The following TMEM232 variants were observed in gnomAD, a reference collection of about 807,000 sequenced individuals.
TMEM232 encodes transmembrane protein 232.
Under a neutral mutation model 78.8 loss-of-function variants are expected in TMEM232, and 80 were observed. That is an observed-to-expected ratio of 1.01 (90% CI 0.85 to 1.22). TMEM232 has a LOEUF of 1.22. Ranked by LOEUF, TMEM232 falls within the 50% of genes most tolerant of loss-of-function variation. The pLI is 0.00. For missense variants in TMEM232, 881 were observed against 742.2 expected, an observed-to-expected ratio of 1.19 and a Z score of -2.17; for synonymous variants, 297 against 254.3, an observed-to-expected ratio of 1.17 and a Z score of -1.60.
chr5:110,663,228 C>T (rs1790048217), intron 2 of TMEM232, among the ~76,000 whole-genome samples: 1 of 151,910 alleles, frequency 6.6e-6, no homozygotes, highest in African/African-American at 2.4e-5. Flanking sequence ...TATAGCTACA[C>T]TCAACATTAA....
chr5:110,720,443 TA>T (rs1030551261), intron 1 of TMEM232: 4 of 152,112 alleles, frequency 2.6e-5, no homozygotes, highest in African/African-American at 9.7e-5. Context: ...CCCCTACTAA[TA>T]AGATACAGTA....
At chr5:110,703,823 G>C (rs1016475002) in intron 1 of TMEM232, among the ~76,000 whole-genome samples, 2 of 152,004 alleles carry the variant, frequency 1.3e-5, no homozygotes, top group Non-Finnish European at 2.9e-5. Flanking sequence ...ACAGTCCTCT[G>C]CATTGGTGGA....
rs1452166878 is a variant in TMEM232 at position 110,471,367 on chromosome 5, A to C, written c.1704-46451T>G. Among the ~76,000 whole-genome samples, 3 of 152,124 alleles carry C rather than the reference A, an allele frequency of 2.0e-5. No individual in the cohort carries two copies. The East Asian group carries it at 5.8e-4, about 29-fold the overall frequency. On this transcript the variant is annotated intron_variant, in intron 12 of 13. Coordinates refer to ENST00000455884, the MANE Select transcript of TMEM232 (RefSeq NM_001039763.4). ...TAAAATAATTGGTGAAAACTTCCCA[A>C]GTGTTTGAAGAGATATGGAAATCCA...
intron 12 of TMEM232, among the ~76,000 whole-genome samples, chr5:110,510,649 C>T (rs768468683): frequency 6.6e-6 from 1 of 152,148 alleles, no homozygotes; most frequent in Non-Finnish European, 1.5e-5. Flanking sequence ...TGAACAGACA[C>T]TTCTCAAAAG....
At chr5:110,724,035 C>T (rs998414125) in intron 1 of TMEM232, among the ~76,000 whole-genome samples, 7 of 152,136 alleles carry the variant, frequency 4.6e-5, no homozygotes, top group East Asian at 1.9e-4. Context: ...TTGTTGGAGA[C>T]GAGTTTCTGT....
chr5:110,691,719 C>T (rs967546985), intron 1 of TMEM232, among the ~76,000 whole-genome samples: 4 of 152,148 alleles, frequency 2.6e-5, no homozygotes, highest in Non-Finnish European at 5.9e-5. Context: ...CATAAGAAAC[C>T]TACATGCTCA....
chr5:110,610,738 T>G (rs1042353116), intron 8 of TMEM232: 1 of 298,216 alleles, frequency 3.4e-6, no homozygotes, highest in African/African-American at 2.2e-5. Flanking sequence ...ATAACTGTGT[T>G]AGGAAACAAC....
intron 12 of TMEM232, among the ~76,000 whole-genome samples, chr5:110,475,814 G>C (rs563771858): frequency 6.6e-6 from 1 of 151,862 alleles, no homozygotes; most frequent in East Asian, 1.9e-4. Context: ...TCTGGGGAAA[G>C]AACCACTAAA....
At chr5:110,685,884 G>C (rs1793336113) in intron 1 of TMEM232, among the ~76,000 whole-genome samples, 1 of 152,000 alleles carries the variant, frequency 6.6e-6, no homozygotes, top group Non-Finnish European at 1.5e-5. Flanking sequence ...AGTGAAAAAA[G>C]CCAAACACAA....
chr5:110,581,727 C>T (rs1317254567), intron 10 of TMEM232, among the ~76,000 whole-genome samples: 2 of 151,562 alleles, frequency 1.3e-5, no homozygotes, highest in East Asian at 1.9e-4. Context: ...AAACAGACAA[C>T]CTACAAAATG....
chr5:110,637,444 C>G (rs1786004492), intron 5 of TMEM232, among the ~76,000 whole-genome samples: 1 of 151,788 alleles, frequency 6.6e-6, no homozygotes. Flanking sequence ...AAATGTTCAA[C>G]TGATGGACTG....
intron 12 of TMEM232, among the ~76,000 whole-genome samples, chr5:110,518,332 C>G (rs896649829): frequency 3.3e-5 from 5 of 151,968 alleles, no homozygotes; most frequent in African/African-American, 1.2e-4. Flanking sequence ...GACACAAAAC[C>G]AAAGTACACT....
At chr5:110,685,855 T>A (rs201356721) in intron 1 of TMEM232, among the ~76,000 whole-genome samples, 1 of 151,978 alleles carries the variant, frequency 6.6e-6, no homozygotes, top group African/African-American at 2.4e-5. Context: ...CATGCATAAA[T>A]CTCAAAAATA....
chr5:110,441,908 G>GTT (rs374396085), intron 12 of TMEM232, among the ~76,000 whole-genome samples: 4 of 149,740 alleles, frequency 2.7e-5, no homozygotes, highest in African/African-American at 9.8e-5. Flanking sequence ...GTTATTATTA[G>GTT]TTTTTTTTTT....
intron 2 of TMEM232, among the ~76,000 whole-genome samples, chr5:110,656,065 A>G (rs62869960): frequency 6.6e-6 from 1 of 151,228 alleles, no homozygotes; most frequent in African/African-American, 2.4e-5. Flanking sequence ...TAAAAAAAAA[A>G]CAATACTTTA....
intron 1 of TMEM232, among the ~76,000 whole-genome samples, chr5:110,676,862 G>C (rs10074373): frequency 2.6e-5 from 4 of 151,784 alleles, no homozygotes; most frequent in African/African-American, 9.7e-5. Context: ...CGGTTCGAGC[G>C]ATTCTCCTGC....
chr5:110,558,781 T>C (rs1461763733), intron 11 of TMEM232, among the ~76,000 whole-genome samples: 2 of 152,136 alleles, frequency 1.3e-5, no homozygotes, highest in African/African-American at 4.8e-5. Flanking sequence ...TCCAAGCAAC[T>C]ATCTCTGCCA....
At chr5:110,706,407 G>A (rs1419411739) in intron 1 of TMEM232, among the ~76,000 whole-genome samples, 1 of 152,018 alleles carries the variant, frequency 6.6e-6, no homozygotes, top group East Asian at 1.9e-4. Context: ...CTGTATTATT[G>A]ATTATTTTTC....
chr5:110,535,075 T>C (rs1473458292), intron 11 of TMEM232, among the ~76,000 whole-genome samples: 1 of 152,118 alleles, frequency 6.6e-6, no homozygotes. Flanking sequence ...CCCAACACTT[T>C]ACCACTATTT....
Sources: allele counts gnomAD v4.1 joint callset (sites outside exome capture counted in the v4.1 genomes callset), GRCh38; gene constraint gnomAD v4.1.1; transcripts MANE v1.5; gene names NCBI Gene and HGNC (gene_info 2026-07-23, HGNC 2026-07-21).